Variants in BIN2 observed in about 807,000 individuals in gnomAD.
BIN2 encodes breast cancer associated protein BRAP1.
Under a neutral mutation model 67.9 loss-of-function variants are expected in BIN2, and 43 were observed. That is an observed-to-expected ratio of 0.63 (90% CI 0.50 to 0.82). BIN2 has a LOEUF of 0.82. Among genes scored for constraint, BIN2 ranks in the 40% least tolerant of loss-of-function variants. The probability of loss-of-function intolerance (pLI) is 0.00; values close to 1 mark genes in which losing one functional copy is unlikely to be tolerated. For missense variants in BIN2, 581 were observed against 671.6 expected (o/e 0.87, Z 1.49); for synonymous variants, 244 against 246.8 (o/e 0.99, Z 0.11).
chr12:51,323,921 C>T (rs1946358398), intron 1 of BIN2, 101 bp downstream of exon 1: 3 of 1,454,736 alleles, frequency 2.1e-6, no homozygotes, highest in Non-Finnish European at 2.8e-6. Context: ...CCAGACCCTT[C>T]GGGGCCCCTG....
intron 2 of BIN2, among the ~76,000 whole-genome samples, chr12:51,312,460 C>T (rs1946019391): frequency 6.6e-6 from 1 of 152,206 alleles, no homozygotes; most frequent in African/African-American, 2.4e-5. Flanking sequence ...CTATGGTACA[C>T]ATATTCCCAT....
intron 1 of BIN2, chr12:51,322,898 C>G (rs1330989677): frequency 6.6e-6 from 1 of 152,224 alleles, no homozygotes; most frequent in Non-Finnish European, 1.5e-5. Flanking sequence ...TACATTCCAT[C>G]AGTTTTCTGC....
chr12:51,307,259 G>A (rs1945890332), intron 2 of BIN2, among the ~76,000 whole-genome samples: 1 of 149,070 alleles, frequency 6.7e-6, no homozygotes, highest in Admixed American at 6.7e-5. Context: ...CTCTAGCCTG[G>A]GCGACAGAGT....
intron 1 of BIN2, among the ~76,000 whole-genome samples, chr12:51,320,934 A>ACACACAC (rs1565693311): frequency 5.1e-5 from 2 of 39,090 alleles, no homozygotes; most frequent in East Asian, 1.1e-3. Flanking sequence ...TATCATACTA[A>ACACACAC]AAACACACAC....
At chr12:51,311,422 T>C (rs1258207935) in intron 2 of BIN2, among the ~76,000 whole-genome samples, 3 of 152,188 alleles carry the variant, frequency 2.0e-5, no homozygotes, top group Admixed American at 1.3e-4. Flanking sequence ...CTCTGCTGCC[T>C]AGGCTGGCAT....
chr12:51,294,159 C>T (rs1945468346), intron 9 of BIN2, among the ~76,000 whole-genome samples: 1 of 152,128 alleles, frequency 6.6e-6, no homozygotes, highest in Admixed American at 6.6e-5. Context: ...AAGGAAACAG[C>T]AGAGCTATTA....
chr12:51,284,742 G>C lies in BIN2; in HGVS notation c.1642C>G (p.Leu548Val), dbSNP rs1283005011. Residue 548 changes from leucine (L) to valine (V), a missense_variant, in exon 12 of 13, where the codon CTC (leucine) becomes GTC (valine). By Grantham distance (32) the Leu-to-Val change is conservative. Transcript: ENST00000615107. The stretch of plus-strand genomic sequence containing the variant: ...TCTTCTTGAGGTTCAGGTGCTGTGA[G>C]GTTGTTGTTTTCTGGTACCATGGAG... ...QVSMVPENNNLTAPEPQEEVS... is the reference protein window; with the variant it reads ...QVSMVPENNNVTAPEPQEEVS... The C allele has an allele frequency of 5.0e-6, 8 of 1,613,038 alleles. No individual in the cohort carries two copies. The highest frequency in any genetic ancestry group is 1.7e-5 in the Admixed American group (1 of 59,976).
At chr12:51,294,357 A>G (rs1030905955) in intron 9 of BIN2, among the ~76,000 whole-genome samples, 2 of 152,204 alleles carry the variant, frequency 1.3e-5, no homozygotes, top group Non-Finnish European at 2.9e-5. Flanking sequence ...TCACGAGGTC[A>G]GAAGTTCAAG....
chr12:51,324,051 G>C lies in BIN2; in HGVS notation c.52C>G (p.Gln18Glu). 1 of 1,613,588 alleles carries C rather than the reference G, an allele frequency of 6.2e-7. No individual in the cohort carries two copies. Among genetic ancestry groups the C allele is most frequent in the Non-Finnish European group, 8.5e-7 (1 of 1,179,714 alleles). Residue 18 changes from glutamine (Q) to glutamate (E), a missense_variant, in exon 1 of 13, where the codon CAG becomes GAG. Transcript: ENST00000615107. ...GAAGLFAKQV[Q>E]KKFSRAQEKV... ...TCCTGGGCCCTGCTAAACTTCTTCT[G>C]CACCTGCTTGGCGAAGAGGCCGGCC... is the stretch of plus-strand genomic sequence containing the variant.
chr12:51,302,487 G>T lies in BIN2; in HGVS notation c.312+199C>A, dbSNP rs577767570. 6.9e-6 allele frequency: 4 copies of T among 576,184 alleles called. No homozygotes were observed. In the African/African-American group the frequency reaches 7.5e-5, roughly 11 times the overall value. The allele number at this position is 576,184 out of a possible 1,614,324, so 35.7% of individuals were successfully genotyped here. A position where few individuals can be genotyped will look rare whatever the true frequency, so the allele number is the denominator to read the frequency against. Reference sequence around the variant, plus strand: ...AGGAGAAGAGGGTCAAAATTAGAGGGATCCACAGATTAGGGAAAACTTGTT... The same window carrying T: ...AGGAGAAGAGGGTCAAAATTAGAGGTATCCACAGATTAGGGAAAACTTGTT... On this transcript the variant is annotated intron_variant, in intron 4 of 12. Transcript: ENST00000615107.
rs1235183859 is a variant in BIN2 at position 51,295,578 on chromosome 12, ATATATATATATATATATAT to A, written c.761+199_761+217del. On this transcript the variant is annotated intron_variant, in intron 9 of 12. Transcript: ENST00000615107. ...ACTCCGTCTCAAAAAAAAAAAAAAA[ATATATATATATATATATAT>A]ATATATATATATATATATATATATA... Among the ~76,000 whole-genome samples the A allele has an allele frequency of 4.9e-4, 29 of 59,526 alleles. 2 individuals carry two copies. Among genetic ancestry groups the A allele is most frequent in the Non-Finnish European group, 8.0e-4 (25 of 31,204 alleles). The allele number at this position is 59,526 out of a possible 152,430, so 39.1% of individuals were successfully genotyped here. A position where few individuals can be genotyped will look rare whatever the true frequency, so the allele number is the denominator to read the frequency against.
intron 4 of BIN2, 81 bp from the exon 5 acceptor site, chr12:51,302,196 T>C (rs1309191418): frequency 2.3e-5 from 24 of 1,031,386 alleles, no homozygotes; most frequent in Non-Finnish European, 3.4e-5. Flanking sequence ...AAATTCTCCC[T>C]GCAAAAACCT....
At position 51,284,801 on chromosome 12, in the gene BIN2, A is replaced by C. The variant is rs1433151757; in HGVS notation, c.1597-14T>G. On this transcript the variant is annotated splice_polypyrimidine_tract_variant and intron_variant, in intron 11 of 12. Coordinates refer to ENST00000615107, the MANE Select transcript of BIN2 (RefSeq NM_016293.4). ...CTGGTCTTGGCCCTACAAAGAGAAG[A>C]GTTCTGCCAGTAAGAGGTGGCTCAA... is the stretch of plus-strand genomic sequence containing the variant. 2 of 1,604,408 alleles carry C rather than the reference A, an allele frequency of 1.2e-6. No individual in the cohort carries two copies. Among genetic ancestry groups the C allele is most frequent in the African/African-American group, 2.7e-5 (2 of 74,716 alleles).
Position 51,292,257 on chromosome 12 carries a change from T to A in BIN2, c.849A>T (p.Thr283=), listed in dbSNP as rs566351876. The part of the protein sequence containing the change: ...SPLTSPTSPS[T]LSLKSESESV... ...ATTCACTCTCACTCTTCAAGGAAAG[T>A]GTAGAGGGACTAGTAGGTGAGGTAA... The change falls in exon 10 of 13, where the codon ACA becomes ACT. Residue 283 remains threonine (T), a synonymous_variant. Transcript: ENST00000615107. 1 of 1,603,830 alleles carries A rather than the reference T, an allele frequency of 6.2e-7. No homozygotes were observed. Among genetic ancestry groups the A allele is most frequent in the East Asian group, 2.2e-5 (1 of 44,868 alleles).
At chr12:51,305,807 A>G (rs1236026123) in intron 2 of BIN2, among the ~76,000 whole-genome samples, 2 of 146,306 alleles carry the variant, frequency 1.4e-5, no homozygotes, top group East Asian at 4.0e-4. Flanking sequence ...TTTTGCCTCC[A>G]GAGCTCACTG....
At chr12:51,298,547 T>C (rs1214327516) in intron 7 of BIN2, among the ~76,000 whole-genome samples, 1 of 151,374 alleles carries the variant, frequency 6.6e-6, no homozygotes, top group East Asian at 1.9e-4. Flanking sequence ...TCAAAATAAA[T>C]AAATTAATTA....
At chr12:51,304,785 G>C (rs1202653481) in intron 2 of BIN2, among the ~76,000 whole-genome samples, 1 of 152,144 alleles carries the variant, frequency 6.6e-6, no homozygotes, top group African/African-American at 2.4e-5. Context: ...GGGAGGCCGA[G>C]GCGGGCGGAT....
In BIN2 at chr12:51,302,109, C is replaced by T; in HGVS notation, c.319G>A (p.Asp107Asn). 6.2e-7 allele frequency: 1 copy of T among 1,609,642 alleles called. No individual in the cohort carries two copies. Among genetic ancestry groups the T allele is most frequent in the Non-Finnish European group, 8.5e-7 (1 of 1,175,990 alleles). Reference sequence around the variant, plus strand: ...TCCTCGTAGTCTTCCCAAAGGAGATCATTATTCTGTAGGATAGAGTCAGAG... The same window carrying T: ...TCCTCGTAGTCTTCCCAAAGGAGATTATTATTCTGTAGGATAGAGTCAGAG... ...EELKAIVWNN[D>N]LLWEDYEEKL... is the part of the protein sequence containing the mutation. The change falls in exon 5 of 13, where the codon GAT becomes AAT. Residue 107 changes from aspartate to asparagine, a missense_variant. Physicochemically the swap from Asp to Asn is conservative, Grantham distance 23. Transcript: ENST00000615107.
chr12:51,290,424 C>T (rs111325839), intron 10 of BIN2, among the ~76,000 whole-genome samples: 4,749 of 152,014 alleles, frequency 0.031, 261 homozygotes, highest in African/African-American at 0.11. Flanking sequence ...ACACGACGCC[C>T]GGCTTCAACT....
Sources: gnomAD v4.1 joint callset for allele counts (sites outside exome capture counted in the v4.1 genomes callset) on GRCh38, gnomAD v4.1.1 for gene constraint, MANE v1.5 for transcripts, NCBI Gene and HGNC (gene_info 2026-07-23, HGNC 2026-07-21) for gene names.